The following PPP6R1 variants were observed in gnomAD, a reference collection of about 807,000 sequenced individuals.
PPP6R1 encodes serine/threonine-protein phosphatase 6 regulatory subunit 1.
PPP6R1 carries 39 observed loss-of-function variants against 104.6 expected under a neutral mutation model. The observed-to-expected ratio is 0.37, with a 90% confidence interval of 0.29 to 0.49. The LOEUF (loss-of-function observed/expected upper bound fraction) is 0.49, where lower values mean the gene tolerates loss of function less well. Among genes scored for constraint, PPP6R1 ranks in the 20% least tolerant of loss-of-function variants. The pLI is 0.98. For missense variants in PPP6R1, 1,181 were observed against 1,155.8 expected, an observed-to-expected ratio of 1.02 and a Z score of -0.32; for synonymous variants, 549 against 479.0, an observed-to-expected ratio of 1.15 and a Z score of -1.91.
At position 55,230,348 on chromosome 19, in the gene PPP6R1, G is replaced by A. The variant is rs1362901508; in HGVS notation, c.*180C>T. ...ACGCTCCAAAACTTCTCTTCTCAGT[G>A]CAAATGGGGGTGGGTTGGGCCTGTC... On this transcript the variant is annotated 3_prime_UTR_variant, in exon 24 of 24. Coordinates refer to ENST00000412770, the MANE Select transcript of PPP6R1 (RefSeq NM_014931.4). 1.2e-6 allele frequency: 1 copy of A among 801,600 alleles called. No individual in the cohort carries two copies. The highest frequency in any genetic ancestry group is 2.7e-5 in the East Asian group (1 of 37,206). The allele number at this position is 801,600 out of a possible 1,614,324, so 49.7% of individuals were successfully genotyped here.
chr19:55,231,309 A>G (rs1272639194), intron 21 of PPP6R1, 101 bp downstream of exon 21: 7 of 1,358,836 alleles, frequency 5.2e-6, no homozygotes, highest in African/African-American at 1.4e-5. Flanking sequence ...CCTGCAAAGG[A>G]GGCCTGGAGC....
chr19:55,235,570 G>C (rs1187142859), intron 17 of PPP6R1, among the ~76,000 whole-genome samples: 1 of 150,786 alleles, frequency 6.6e-6, no homozygotes, highest in African/African-American at 2.4e-5. Flanking sequence ...CCAGGCTGGA[G>C]TACAGTGGCG....
chr19:55,232,924 C>T (rs1212562952), intron 17 of PPP6R1: 1 of 152,310 alleles, frequency 6.6e-6, no homozygotes, highest in African/African-American at 2.4e-5. Context: ...CTAGAGTGCA[C>T]TTACACACAC....
At position 55,234,613 on chromosome 19, in the gene PPP6R1, C is replaced by T. The variant is rs1367115193; in HGVS notation, c.1988+2030G>A. 2.0e-5 allele frequency among the ~76,000 whole-genome samples: 3 copies of T among 152,212 alleles called. No homozygotes were observed. In the East Asian group the frequency reaches 5.8e-4, roughly 29 times the overall value. ...GATTTGGCAGTGACACACTTGTGCA[C>T]CAACAACACGTGCAAGGGTATTCAC... On this transcript the variant is annotated intron_variant, in intron 17 of 23. Coordinates refer to ENST00000412770, the MANE Select transcript of PPP6R1 (RefSeq NM_014931.4).
intron 17 of PPP6R1, among the ~76,000 whole-genome samples, chr19:55,234,234 A>C (rs549832549): frequency 6.6e-6 from 1 of 152,336 alleles, no homozygotes; most frequent in South Asian, 2.1e-4. Flanking sequence ...GGTGTGAGCC[A>C]CCGTGCCCAA....
rs538636979 is a variant in PPP6R1 at position 55,234,657 on chromosome 19, GGCTGCACTCACAGCA to G, written c.1988+1971_1988+1985del. ...TATTCACAGCGGCCGCACTCACAGCGGCTGCACTCACAGCAGCGAGCAACAGGAACCTGCCCAAAG... is the reference window on the plus strand; with the variant it reads ...TATTCACAGCGGCCGCACTCACAGCGGCGAGCAACAGGAACCTGCCCAAAG... On this transcript the variant is annotated intron_variant, in intron 17 of 23. Transcript: ENST00000412770. 9.7e-3 allele frequency among the ~76,000 whole-genome samples: 972 copies of G among 99,918 alleles called. 9 individuals carry two copies. The highest frequency in any genetic ancestry group is 0.053 in the African/African-American group (928 of 17,518). The allele number at this position is 99,918 out of a possible 152,430, so 65.6% of individuals were successfully genotyped here. A position where few individuals can be genotyped will look rare whatever the true frequency, so the allele number is the denominator to read the frequency against.
chr19:55,248,323 G>A (rs1323011012), intron 1 of PPP6R1, among the ~76,000 whole-genome samples: 1 of 152,174 alleles, frequency 6.6e-6, no homozygotes, highest in African/African-American at 2.4e-5. Context: ...TAAGTCAGGC[G>A]GCATCCTGGA....
chr19:55,243,746 G>A (rs753746257), intron 5 of PPP6R1, among the ~76,000 whole-genome samples: 2 of 152,170 alleles, frequency 1.3e-5, no homozygotes, highest in African/African-American at 2.4e-5. Context: ...CTGAACTCCT[G>A]GGCCCAAGAG....
Position 55,231,879 on chromosome 19 carries a change from C to A in PPP6R1, c.2229G>T (p.Gln743His). 1 of 1,509,198 alleles carries A rather than the reference C, an allele frequency of 6.6e-7. No homozygotes were observed. The highest frequency in any genetic ancestry group is 8.9e-7 in the Non-Finnish European group (1 of 1,128,600). The allele number at this position is 1,509,198 out of a possible 1,614,324, so 93.5% of individuals were successfully genotyped here. ...GGCCCTGGGGCACACTGAGGGGCCC[C>A]TGTGGGGCTGGAGGCCCAGTGTGCA... is the stretch of plus-strand genomic sequence containing the variant. Reference protein sequence around the residue: ...EELHTGPPAPQGPLSVPQGLP... With the variant: ...EELHTGPPAPHGPLSVPQGLP... Residue 743 changes from glutamine to histidine, a missense_variant, in exon 19 of 24, where the codon CAG becomes CAT. By Grantham distance (24) the Gln-to-His change is conservative. Transcript: ENST00000412770.
At position 55,230,414 on chromosome 19, in the gene PPP6R1, T is replaced by C; in HGVS notation, c.*114A>G. The C allele has an allele frequency of 1.4e-6, 2 of 1,476,218 alleles. No homozygotes were observed. Among genetic ancestry groups the C allele is most frequent in the African/African-American group, 1.4e-5 (1 of 71,802 alleles). The allele number at this position is 1,476,218 out of a possible 1,614,324, so 91.4% of individuals were successfully genotyped here. A position where few individuals can be genotyped will look rare whatever the true frequency, so the allele number is the denominator to read the frequency against. On this transcript the variant is annotated 3_prime_UTR_variant, in exon 24 of 24. Coordinates refer to ENST00000412770, the MANE Select transcript of PPP6R1 (RefSeq NM_014931.4). Reference sequence around the variant, plus strand: ...TCCTGGGGGTCCAGAGGAGAGAATGTGGGGGTGTCAGGGTGATGAGGGCAA... The same window carrying C: ...TCCTGGGGGTCCAGAGGAGAGAATGCGGGGGTGTCAGGGTGATGAGGGCAA...
At position 55,241,438 on chromosome 19, in the gene PPP6R1, TC is replaced by T; in HGVS notation, c.1008+38del. 1 of 1,593,768 alleles carries T rather than the reference TC, an allele frequency of 6.3e-7. No homozygotes were observed. The highest frequency in any genetic ancestry group is 8.6e-7 in the Non-Finnish European group (1 of 1,167,796). ...ATTCCCAAGGGCTGCCCTTCCTGCT[TC>T]CCCCGCCTCCCCGAGGACCAGAACC... On this transcript the variant is annotated intron_variant, in intron 8 of 23. Transcript: ENST00000412770. This position sits in a 1 kb window ranked among gnomAD's most constrained non-coding sequence, Gnocchi z 5.4.
downstream of PPP6R1, chr19:55,228,883 C>T (rs2122473780): frequency 2.3e-6 from 2 of 857,216 alleles, no homozygotes; most frequent in Non-Finnish European, 3.7e-6. Flanking sequence ...AGATGTTGTC[C>T]TCACCCTGGG....
downstream of PPP6R1, chr19:55,228,345 G>A (rs779106326): frequency 9.3e-6 from 15 of 1,613,662 alleles, no homozygotes; most frequent in African/African-American, 2.7e-5. Flanking sequence ...CCAGGGCAGC[G>A]AACCAGGACA....
intron 23 of PPP6R1, 21 bp from the exon 24 acceptor site, chr19:55,230,552 C>T (rs201993772): frequency 6.5e-5 from 105 of 1,613,518 alleles, no homozygotes; most frequent in Admixed American, 1.0e-4. Flanking sequence ...AGGGAGATGT[C>T]GTGTGAGGGT....
At chr19:55,240,878 C>T in intron 10 of PPP6R1, 67 bp downstream of exon 10, 1 of 1,556,298 alleles carries the variant, frequency 6.4e-7, no homozygotes, top group Non-Finnish European at 8.7e-7. Context: ...GAGGGGTAGG[C>T]CTCTGGAGAG....
At chr19:55,240,902 G>C (rs766813417) in intron 10 of PPP6R1, 43 bp downstream of exon 10, 2 of 1,591,784 alleles carry the variant, frequency 1.3e-6, no homozygotes, top group Non-Finnish European at 8.5e-7. Flanking sequence ...GCGCCCACAG[G>C]GGATGGGCCC....
intron 17 of PPP6R1, 90 bp downstream of exon 17, chr19:55,236,553 A>T: frequency 7.4e-7 from 1 of 1,354,654 alleles, no homozygotes; most frequent in Non-Finnish European, 9.7e-7. Context: ...TTCTTCATTC[A>T]CTTCAGCCTC....
At position 55,232,413 on chromosome 19, in the gene PPP6R1, G is replaced by A. The variant is rs192363026; in HGVS notation, c.1989-202C>T. The A allele has an allele frequency of 3.8e-4, 273 of 712,334 alleles. 1 individual carries two copies. The highest frequency in any genetic ancestry group is 1.1e-3 in the African/African-American group (60 of 55,182). The allele number at this position is 712,334 out of a possible 1,614,324, so 44.1% of individuals were successfully genotyped here. A position where few individuals can be genotyped will look rare whatever the true frequency, so the allele number is the denominator to read the frequency against. Reference sequence around the variant, plus strand: ...CTGAGCCAACGGCAAGAACACAGGCGGGCAGGGACAGAATGCGGCCGTAAG... The same window carrying A: ...CTGAGCCAACGGCAAGAACACAGGCAGGCAGGGACAGAATGCGGCCGTAAG... On this transcript the variant is annotated intron_variant, in intron 17 of 23. Transcript: ENST00000412770.
chr19:55,239,085 C>T (rs1318972270), intron 15 of PPP6R1: 11 of 368,958 alleles, frequency 3.0e-5, no homozygotes, highest in East Asian at 1.3e-4. Flanking sequence ...GAGCCCCTCC[C>T]GCCTGGAACC....
Sources: gnomAD v4.1 joint callset for allele counts (sites outside exome capture counted in the v4.1 genomes callset) on GRCh38, gnomAD v4.1.1 for gene constraint, Gnocchi (gnomAD v3.1) non-coding constraint, MANE v1.5 for transcripts, NCBI Gene and HGNC (gene_info 2026-07-23, HGNC 2026-07-21) for gene names.